SEMA3F: variants seen among roughly 807,000 people sequenced by gnomAD.
SEMA3F encodes semaphorin-3F.
SEMA3F carries 30 observed loss-of-function variants against 98.5 expected under a neutral mutation model. The observed-to-expected ratio is 0.30, with a 90% CI of 0.23 to 0.41. The LOEUF is 0.41. SEMA3F is among the 10% of genes least tolerant of loss of function. The pLI, the probability that SEMA3F is intolerant of heterozygous loss-of-function variation, is 1.00. For synonymous variants in SEMA3F, 380 were observed against 444.8 expected (o/e 0.85, Z 1.83); for missense variants, 866 against 1,119.3 (o/e 0.77, Z 3.23).
At chr3:50,184,385 G>T (rs1009670662) in intron 12 of SEMA3F, 1 of 589,764 alleles carries the variant, frequency 1.7e-6, no homozygotes. Context: ...GGCCAGGGAG[G>T]TGGCTGTGGC....
chr3:50,155,826 T>C lies in SEMA3F; in HGVS notation c.-49+262T>C, dbSNP rs1697955785. ...GGGTCACCCATGTGCAAAGCAACTT[T>C]TTCCTGCAAGGTTCTGGGTGGGTGC... On this transcript the variant is annotated intron_variant, in intron 1 of 18. Coordinates refer to ENST00000002829, the MANE Select transcript of SEMA3F (RefSeq NM_004186.5). The surrounding 1 kb of genome is among the most constrained non-coding windows in gnomAD (Gnocchi z 4.9). 4 of 171,648 alleles carry C rather than the reference T, an allele frequency of 2.3e-5. No homozygotes were observed. Among genetic ancestry groups the C allele is most frequent in the African/African-American group, 2.4e-5 (1 of 42,028 alleles). The allele number at this position is 171,648 out of a possible 1,614,324, so 10.6% of individuals were successfully genotyped here.
At chr3:50,167,455 C>T (rs1698442672) in intron 2 of SEMA3F, among the ~76,000 whole-genome samples, 1 of 152,212 alleles carries the variant, frequency 6.6e-6, no homozygotes, top group Non-Finnish European at 1.5e-5. Context: ...TGGTTTGAGG[C>T]TGAGCTGTGC....
chr3:50,178,829 CTTTTTTTT>C (rs1226887922), intron 7 of SEMA3F, among the ~76,000 whole-genome samples: 1 of 75,160 alleles, frequency 1.3e-5, no homozygotes, highest in Non-Finnish European at 2.5e-5. Flanking sequence ...AATTCTTTTT[CTTTTTTTT>C]TTTTTTTTTT....
intron 1 of SEMA3F, among the ~76,000 whole-genome samples, chr3:50,157,676 G>A (rs545556547): frequency 6.6e-6 from 1 of 152,116 alleles, no homozygotes; most frequent in Non-Finnish European, 1.5e-5. Flanking sequence ...TGAGGCCCCA[G>A]CAAACTTGAG....
At chr3:50,157,330 C>CCCTCCCTCTCT (rs957937047) in intron 1 of SEMA3F, among the ~76,000 whole-genome samples, 3 of 151,962 alleles carry the variant, frequency 2.0e-5, no homozygotes, top group Admixed American at 6.6e-5. Context: ...TCTCCTCCGT[C>CCCTCCCTCTCT]CCTCCCTCTC....
At position 50,185,527 on chromosome 3, in the gene SEMA3F, T is replaced by C; in HGVS notation, c.1541T>C (p.Phe514Ser). The C allele has an allele frequency of 6.2e-7, 1 of 1,613,876 alleles. No individual in the cohort carries two copies. Among genetic ancestry groups the C allele is most frequent in the Non-Finnish European group, 8.5e-7 (1 of 1,179,822 alleles). Residue 514 changes from phenylalanine to serine, a missense_variant, in exon 14 of 19, where the codon TTC (phenylalanine) becomes TCC (serine). Around this residue, in one of 3 missense-constraint regions of SEMA3F, gnomAD observed 374 missense variants for 582.8 expected, o/e 0.64. Transcript: ENST00000002829. ...CTCATGCTGGAGGAGGTGGAGGTCT[T>C]CAAGGTGGGTGTGACACCACCCAGT... ...EELMLEEVEV[F>S]KDPAPVKTMT...
chr3:50,184,235 CT>C, intron 12 of SEMA3F: 1 of 307,416 alleles, frequency 3.3e-6, no homozygotes, highest in Non-Finnish European at 6.2e-6. Context: ...ACGTCGGGGC[CT>C]GCAGTCCAGC....
At chr3:50,164,783 C>T (rs1698340761) in intron 2 of SEMA3F, among the ~76,000 whole-genome samples, 1 of 152,242 alleles carries the variant, frequency 6.6e-6, no homozygotes, top group African/African-American at 2.4e-5. Flanking sequence ...GACTGTCTTG[C>T]TTGCATCCTG....
chr3:50,163,150 G>A (rs1295900135), intron 2 of SEMA3F, among the ~76,000 whole-genome samples: 1 of 152,220 alleles, frequency 6.6e-6, no homozygotes, highest in East Asian at 1.9e-4. Flanking sequence ...ACATGAGCTA[G>A]GAACAAGGAA....
At chr3:50,167,775 G>T (rs1698458132) in intron 2 of SEMA3F, among the ~76,000 whole-genome samples, 1 of 152,182 alleles carries the variant, frequency 6.6e-6, no homozygotes, top group African/African-American at 2.4e-5. Flanking sequence ...CCCTGGGATA[G>T]ATGTGTCAGG....
rs1699228082 is a variant in SEMA3F at position 50,186,642 on chromosome 3, T to C, written c.1843T>C (p.Tyr615His). Reference sequence around the variant, plus strand: ...CAAGAATGCCGTGGAGTCTGTGCAGTATGGCGTGGCCGGCAGCGCAGCCTT... The same window carrying C: ...CAAGAATGCCGTGGAGTCTGTGCAGCATGGCGTGGCCGGCAGCGCAGCCTT... ...ANKNAVESVQ[Y>H]GVAGSAAFLE... The change falls in exon 18 of 19, where the codon TAT (tyrosine) becomes CAT (histidine). Residue 615 changes from tyrosine (Y) to histidine (H), a missense_variant. Coordinates refer to ENST00000002829, the MANE Select transcript of SEMA3F (RefSeq NM_004186.5). 2 of 1,606,852 alleles carry C rather than the reference T, an allele frequency of 1.2e-6. No homozygotes were observed. Among genetic ancestry groups the C allele is most frequent in the East Asian group, 4.5e-5 (2 of 44,666 alleles).
chr3:50,174,476 T>G (rs899445726), intron 5 of SEMA3F, 126 bp downstream of exon 5: 2 of 1,124,698 alleles, frequency 1.8e-6, no homozygotes, highest in African/African-American at 3.1e-5. Flanking sequence ...GGTGAGTGAC[T>G]TCTTTCACCT....
At position 50,183,242 on chromosome 3, in the gene SEMA3F, T is replaced by G; in HGVS notation, c.1075T>G (p.Phe359Val). The G allele has an allele frequency of 6.2e-7, 1 of 1,614,116 alleles. No individual in the cohort carries two copies. The stretch of plus-strand genomic sequence containing the variant: ...GAGGAACCCTGTCATTTACGCTGTC[T>G]TTACCTCCTCTGGGTGAGGCTGGGG... The part of the protein sequence containing the change: ...DVRNPVIYAV[F>V]TSSGSVFRGS... Residue 359 changes from phenylalanine (F) to valine (V), a missense_variant, in exon 11 of 19, where the codon TTT becomes GTT. Coordinates refer to ENST00000002829, the MANE Select transcript of SEMA3F (RefSeq NM_004186.5).
chr3:50,165,157 A>G (rs1001072645), intron 2 of SEMA3F, among the ~76,000 whole-genome samples: 12 of 152,068 alleles, frequency 7.9e-5, no homozygotes, highest in African/African-American at 2.7e-4. Context: ...GGCAGGCTTC[A>G]TGGAGGAGGC....
At chr3:50,178,031 C>T (rs1698880647) in intron 7 of SEMA3F, among the ~76,000 whole-genome samples, 2 of 152,260 alleles carry the variant, frequency 1.3e-5, no homozygotes, top group South Asian at 4.1e-4. Context: ...CACCTGAGAT[C>T]AGGAGCTCGA....
In SEMA3F at chr3:50,182,867, G is replaced by A; in HGVS notation, c.904-37G>A. ...TGCTCCAGCCAGGGCTTGGGGTCAA[G>A]AGCTGATCTGACCCGGCCTCTTGCC... On this transcript the variant is annotated intron_variant, in intron 9 of 18. Transcript: ENST00000002829. This position sits in a 1 kb window ranked among gnomAD's most constrained non-coding sequence, Gnocchi z 4.5. The A allele has an allele frequency of 1.2e-6, 2 of 1,611,094 alleles. No individual in the cohort carries two copies. The highest frequency in any genetic ancestry group is 1.7e-6 in the Non-Finnish European group (2 of 1,177,938).
intron 2 of SEMA3F, 61 bp downstream of exon 2, chr3:50,159,795 CT>C: frequency 8.9e-7 from 1 of 1,119,470 alleles, no homozygotes. Context: ...CGCTCGGCTC[CT>C]CTGCACACGA....
intron 18 of SEMA3F, 97 bp from the exon 19 acceptor site, chr3:50,187,608 C>G (rs1699270107): frequency 9.5e-7 from 1 of 1,051,596 alleles, no homozygotes. Context: ...ATGGGTGCCT[C>G]TACACGGAAT....
At chr3:50,172,707 C>T (rs531798086) in intron 2 of SEMA3F, among the ~76,000 whole-genome samples, 2 of 152,234 alleles carry the variant, frequency 1.3e-5, no homozygotes, top group South Asian at 2.1e-4. Flanking sequence ...AGCTGGGGTC[C>T]GTAGGGCAGT....
Sources: gnomAD v4.1 joint callset for allele counts (sites outside exome capture counted in the v4.1 genomes callset) on GRCh38, gnomAD v4.1.1 for gene constraint, gnomAD v4.1.1 regional missense constraint, Gnocchi (gnomAD v3.1) non-coding constraint, MANE v1.5 for transcripts, NCBI Gene and HGNC (gene_info 2026-07-23, HGNC 2026-07-21) for gene names.